Variants in ADAMTS16 observed in about 807,000 individuals in gnomAD.
The protein encoded by ADAMTS16 is A disintegrin and metalloproteinase with thrombospondin motifs 16.
A neutral mutation model predicts 145.8 loss-of-function variants in ADAMTS16; 94 were observed. The observed-to-expected ratio is 0.64, with a 90% CI of 0.55 to 0.77. The LOEUF is 0.77. ADAMTS16 is among the 30% of genes least tolerant of loss of function. ADAMTS16 has a pLI of 0.00. For synonymous variants in ADAMTS16, 659 were observed against 604.3 expected, an observed-to-expected ratio of 1.09 and a Z score of -1.33; for missense variants, 1,585 against 1,591.5, an observed-to-expected ratio of 1.00 and a Z score of 0.07.
intron 14 of ADAMTS16, among the ~76,000 whole-genome samples, chr5:5,237,321 A>T (rs1384912730): frequency 6.6e-6 from 1 of 152,196 alleles, no homozygotes; most frequent in Non-Finnish European, 1.5e-5. Context: ...GTTCTGTCTT[A>T]GATATGGGTC....
chr5:5,280,316 C>A (rs1258202393), intron 18 of ADAMTS16, among the ~76,000 whole-genome samples: 1 of 152,184 alleles, frequency 6.6e-6, no homozygotes, highest in Non-Finnish European at 1.5e-5. Flanking sequence ...TCATCCATTT[C>A]TCTAGAGAAG....
intron 3 of ADAMTS16, among the ~76,000 whole-genome samples, chr5:5,168,066 T>C (rs1055750350): frequency 6.6e-6 from 1 of 152,206 alleles, no homozygotes; most frequent in South Asian, 2.1e-4. Context: ...GCCTGAAAGA[T>C]GTCACAGAAT....
chr5:5,205,247 T>C (rs1736066443), intron 9 of ADAMTS16, among the ~76,000 whole-genome samples: 1 of 152,072 alleles, frequency 6.6e-6, no homozygotes, highest in Non-Finnish European at 1.5e-5. Context: ...GAAATTTTTA[T>C]TTTTTTAATG....
At position 5,209,217 on chromosome 5, in the gene ADAMTS16, G is replaced by C; in HGVS notation, c.1576G>C (p.Ala526Pro). 6.2e-7 allele frequency: 1 copy of C among 1,613,962 alleles called. No individual in the cohort carries two copies. The highest frequency in any genetic ancestry group is 8.5e-7 in the Non-Finnish European group (1 of 1,179,864). The change falls in exon 10 of 23, where the codon GCC (alanine) becomes CCC (proline). Residue 526 changes from alanine to proline, a missense_variant. By Grantham distance (27) the Ala-to-Pro change is conservative (BLOSUM62 -1). This residue lies in a region of ADAMTS16 where 298 missense variants were observed against 367.6 expected (regional missense o/e 0.81). Coordinates refer to ENST00000274181, the MANE Select transcript of ADAMTS16 (RefSeq NM_139056.4). ...TQCKWQFGEK[A>P]KLCMLDFKKD... Reference sequence around the variant, plus strand: ...GTGCAAGTGGCAGTTCGGAGAGAAAGCCAAGCTCTGCATGCTGGACTTTAA... The same window carrying C: ...GTGCAAGTGGCAGTTCGGAGAGAAACCCAAGCTCTGCATGCTGGACTTTAA...
intron 18 of ADAMTS16, among the ~76,000 whole-genome samples, chr5:5,285,050 T>G (rs1423924713): frequency 1.3e-5 from 2 of 152,188 alleles, no homozygotes; most frequent in East Asian, 3.9e-4. Context: ...TTTACTTGAT[T>G]TGGGGAAAAG....
intron 12 of ADAMTS16, among the ~76,000 whole-genome samples, chr5:5,234,283 CTGG>C (rs1368051026): frequency 6.6e-6 from 1 of 152,220 alleles, no homozygotes; most frequent in Non-Finnish European, 1.5e-5. Flanking sequence ...CACCAGAAGA[CTGG>C]TGGTGGAAAG....
intron 3 of ADAMTS16, among the ~76,000 whole-genome samples, chr5:5,157,543 TA>T (rs1291071620): frequency 1.3e-5 from 2 of 152,222 alleles, no homozygotes; most frequent in Admixed American, 1.3e-4. Flanking sequence ...CTGGTGGCTC[TA>T]ATTTTCTGTC....
intron 14 of ADAMTS16, 146 bp from the exon 15 acceptor site, chr5:5,239,004 AG>A: frequency 1.2e-6 from 1 of 831,254 alleles, no homozygotes; most frequent in South Asian, 3.7e-5. Flanking sequence ...TGCACATATT[AG>A]GTATCCAATA....
At chr5:5,226,053 C>T (rs1401200651) in intron 11 of ADAMTS16, among the ~76,000 whole-genome samples, 8 of 152,282 alleles carry the variant, frequency 5.3e-5, no homozygotes, top group Non-Finnish European at 1.2e-4. Context: ...GGCCTTCCAT[C>T]TTCGCATCTC....
chr5:5,153,834 T>C (rs984978526), intron 3 of ADAMTS16, among the ~76,000 whole-genome samples: 6 of 152,348 alleles, frequency 3.9e-5, no homozygotes, highest in African/African-American at 9.6e-5. Context: ...AAGGCATTAA[T>C]GCACAGGATA....
intron 2 of ADAMTS16, among the ~76,000 whole-genome samples, chr5:5,145,226 C>T (rs546077463): frequency 1.3e-5 from 2 of 152,288 alleles, no homozygotes; most frequent in Non-Finnish European, 1.5e-5. Context: ...CACCAAATCA[C>T]TGTGAGAATA....
At chr5:5,253,477 T>A (rs920644419) in intron 17 of ADAMTS16, among the ~76,000 whole-genome samples, 8 of 152,188 alleles carry the variant, frequency 5.3e-5, no homozygotes, top group African/African-American at 1.4e-4. Context: ...CAATCAGATA[T>A]GCGTTTGTCT....
At chr5:5,231,226 T>C (rs1188630627) in intron 11 of ADAMTS16, among the ~76,000 whole-genome samples, 1 of 152,190 alleles carries the variant, frequency 6.6e-6, no homozygotes, top group Non-Finnish European at 1.5e-5. Flanking sequence ...GTTGTTTTGC[T>C]TAAAGAAAAG....
intron 18 of ADAMTS16, among the ~76,000 whole-genome samples, chr5:5,297,887 G>A (rs1474861273): frequency 2.0e-5 from 3 of 152,190 alleles, no homozygotes; most frequent in African/African-American, 4.8e-5. Flanking sequence ...TTCACAAATC[G>A]GGCAAAGTGG....
rs1739888883 is a variant in ADAMTS16, at chr5:5,303,610, A to G, written c.3030A>G (p.Ala1010=). 6.2e-7 allele frequency: 1 copy of G among 1,614,134 alleles called. No individual in the cohort carries two copies. ...HTCGKGWRKR[A]VACKSTNPSA... is the part of the protein sequence containing the mutation. The stretch of plus-strand genomic sequence containing the variant: ...GTGGGAAGGGGTGGAGGAAGCGGGC[A>G]GTGGCCTGTAAGAGCACCAACCCCT... Residue 1010 remains alanine, a synonymous_variant, in exon 20 of 23, where the codon GCA becomes GCG. Coordinates refer to ENST00000274181, the MANE Select transcript of ADAMTS16 (RefSeq NM_139056.4).
At chr5:5,185,604 C>T (rs1282031225) in intron 4 of ADAMTS16, among the ~76,000 whole-genome samples, 3 of 152,210 alleles carry the variant, frequency 2.0e-5, no homozygotes, top group Non-Finnish European at 4.4e-5. Context: ...TTGAAATCAA[C>T]TTTAAACATT....
At chr5:5,263,059 G>A (rs960401003) in intron 18 of ADAMTS16, among the ~76,000 whole-genome samples, 3 of 152,210 alleles carry the variant, frequency 2.0e-5, no homozygotes, top group Non-Finnish European at 4.4e-5. Context: ...GCTGGCAGGA[G>A]TGATAACACG....
At chr5:5,208,945 A>G (rs1736201436) in intron 9 of ADAMTS16, 148 bp from the exon 10 acceptor site, 1 of 713,386 alleles carries the variant, frequency 1.4e-6, no homozygotes, top group African/African-American at 1.8e-5. Context: ...GATAAGTATT[A>G]TATTGTAACT....
chr5:5,183,529 T>G (rs10038199), intron 4 of ADAMTS16, among the ~76,000 whole-genome samples: 57,603 of 152,048 alleles, frequency 0.38, 11,876 homozygotes, highest in Admixed American at 0.53. Flanking sequence ...GCAGGAGAGA[T>G]AGCAGGGCCG....
Sources: gnomAD v4.1 joint callset for allele counts (sites outside exome capture counted in the v4.1 genomes callset) on GRCh38, gnomAD v4.1.1 for gene constraint, gnomAD v4.1.1 regional missense constraint, MANE v1.5 for transcripts, NCBI Gene and HGNC (gene_info 2026-07-23, HGNC 2026-07-21) for gene names.